The following FMN1 variants were observed in gnomAD, a reference collection of about 807,000 sequenced individuals.
FMN1 encodes the protein formin 1, also known as formin-1.
Under a neutral mutation model 132.4 loss-of-function variants are expected in FMN1, and 110 were observed. The ratio of observed to expected loss-of-function variants is 0.83; its 90% confidence interval spans 0.71 to 0.97. The LOEUF (loss-of-function observed/expected upper bound fraction) is 0.97, where lower values mean the gene tolerates loss of function less well. Among genes scored for constraint, FMN1 ranks in the 50% least tolerant of loss-of-function variants. The probability of loss-of-function intolerance (pLI) is 0.00; values close to 1 mark genes in which losing one functional copy is unlikely to be tolerated. For synonymous variants in FMN1, 722 were observed against 651.7 expected (o/e 1.11, Z -1.64); for missense variants, 1,792 against 1,705.3 (o/e 1.05, Z -0.90).
At chr15:33,146,537 A>C (rs968212349) in intron 4 of FMN1, among the ~76,000 whole-genome samples, 8 of 152,094 alleles carry the variant, frequency 5.3e-5, no homozygotes, top group African/African-American at 1.9e-4. Context: ...AATGTACTGG[A>C]ACAATCCATG....
At chr15:32,897,822 C>T (rs375180553) in intron 15 of FMN1, among the ~76,000 whole-genome samples, 22 of 151,636 alleles carry the variant, frequency 1.5e-4, no homozygotes, top group African/African-American at 4.6e-4. Flanking sequence ...AAGCTGGGGT[C>T]GGCAGGAAAA....
chr15:33,067,830 G>T, intron 5 of FMN1: 1 of 1,613,874 alleles, frequency 6.2e-7, no homozygotes. Context: ...CCGGCTTCTG[G>T]TTTTGCTGGT....
intron 4 of FMN1, among the ~76,000 whole-genome samples, chr15:33,129,908 T>C (rs1324063573): frequency 3.3e-5 from 5 of 149,636 alleles, no homozygotes; most frequent in Non-Finnish European, 7.4e-5. Flanking sequence ...TTCCCCTACC[T>C]CAGCCTCCCA....
rs2060480254 is a variant in FMN1, at chr15:32,908,497, G to GT, written c.3369dup (p.Pro1124ThrfsTer2). On this transcript the variant is annotated frameshift_variant, in exon 12 of 21. Coordinates refer to ENST00000616417, the MANE Select transcript of FMN1 (RefSeq NM_001277313.2). LOFTEE classifies it high-confidence loss of function. The stretch of plus-strand genomic sequence containing the variant: ...AATGTTAAGTATCCTTACTGCTCAG[G>GT]TTTATCCAGCAGCTTCAGTTCTTCT... The GT allele has an allele frequency of 6.3e-7, 1 of 1,599,746 alleles. No homozygotes were observed. The highest frequency in any genetic ancestry group is 1.4e-5 in the African/African-American group (1 of 73,704).
chr15:32,983,981 AAAGTG>A (rs1403940359), intron 7 of FMN1, among the ~76,000 whole-genome samples: 14 of 152,186 alleles, frequency 9.2e-5, no homozygotes. Flanking sequence ...TTAAAAGCTC[AAAGTG>A]TTAGGCACAA....
intron 5 of FMN1, among the ~76,000 whole-genome samples, 188 bp from the exon 6 acceptor site, chr15:33,065,262 G>A (rs564835221): frequency 2.0e-5 from 3 of 151,832 alleles, no homozygotes; most frequent in African/African-American, 7.3e-5. Context: ...ATCAGTTGAG[G>A]TGAAAATTTA....
intron 17 of FMN1, chr15:32,811,048 T>C (rs973787521): frequency 8.8e-6 from 4 of 456,576 alleles, no homozygotes; most frequent in Middle Eastern, 3.2e-4. Context: ...TTGTGCACTT[T>C]CCAGGAGAAA....
At chr15:32,985,816 C>T (rs73372991) in intron 7 of FMN1, among the ~76,000 whole-genome samples, 19,007 of 152,082 alleles carry the variant, frequency 0.12, 1,849 homozygotes, top group African/African-American at 0.27. Context: ...GACAGTCGAT[C>T]AATTGATCTC....
At chr15:32,882,887 G>A (rs1185089212) in intron 16 of FMN1, among the ~76,000 whole-genome samples, 1 of 152,208 alleles carries the variant, frequency 6.6e-6, no homozygotes, top group East Asian at 1.9e-4. Context: ...CAATAGCACT[G>A]ACTGACTCAG....
chr15:32,902,040 T>A lies in FMN1; in HGVS notation c.3378A>T (p.Gln1126His). Reference sequence around the variant, plus strand: ...GAATCTGGGCTAACTCATGTAAAAATCTGTAAAAAAGAAAATGTGTCATCT... The same window carrying A: ...GAATCTGGGCTAACTCATGTAAAAAACTGTAAAAAAGAAAATGTGTCATCT... ...EELKLLDKPEQFLHELAQIPN... is the reference protein window; with the variant it reads ...EELKLLDKPEHFLHELAQIPN... The change falls in exon 13 of 21, where the codon CAA (glutamine) becomes CAT (histidine). Residue 1126 changes from glutamine to histidine, a missense_variant and splice_region_variant. By Grantham distance (24) the Gln-to-His change is conservative. Coordinates refer to ENST00000616417, the MANE Select transcript of FMN1 (RefSeq NM_001277313.2). The A allele has an allele frequency of 6.2e-7, 1 of 1,604,334 alleles. No homozygotes were observed. Among genetic ancestry groups the A allele is most frequent in the Non-Finnish European group, 8.5e-7 (1 of 1,177,074 alleles).
chr15:32,845,528 C>G (rs1245839111), intron 17 of FMN1, among the ~76,000 whole-genome samples: 2 of 152,132 alleles, frequency 1.3e-5, no homozygotes, highest in African/African-American at 4.8e-5. Context: ...TCAAAAGAAA[C>G]CAAGTGGTTC....
At chr15:32,790,806 T>G (rs2057050232) in intron 19 of FMN1, among the ~76,000 whole-genome samples, 1 of 152,166 alleles carries the variant, frequency 6.6e-6, no homozygotes, top group African/African-American at 2.4e-5. Flanking sequence ...CGCTGGAGAA[T>G]GCACCATACA....
chr15:32,968,931 G>A lies in FMN1; in HGVS notation c.2770C>T (p.Pro924Ser), dbSNP rs2031508844. The change falls in exon 8 of 21, where the codon CCC (proline) becomes TCC (serine). Residue 924 changes from proline to serine, a missense_variant. Physicochemically the swap from Pro to Ser is moderately conservative, Grantham distance 74. Coordinates refer to ENST00000616417, the MANE Select transcript of FMN1 (RefSeq NM_001277313.2). ...TTAGGAAGTGGGGGTGGGGGTGGGG[G>A]TGGTGGAGGTCCAGCACTTGAAGGT... ...PPPSSAGPPPPPPPPPLPNSP... is the reference protein window; with the variant it reads ...PPPSSAGPPPSPPPPPLPNSP... 2.9e-6 allele frequency: 2 copies of A among 682,184 alleles called. No individual in the cohort carries two copies. Among genetic ancestry groups the A allele is most frequent in the Non-Finnish European group, 4.9e-6 (2 of 411,470 alleles). 42.3% of individuals were successfully genotyped at this position (682,184 alleles called of 1,614,324 possible).
At chr15:32,965,953 G>C (rs2031180036) in intron 8 of FMN1, among the ~76,000 whole-genome samples, 1 of 152,142 alleles carries the variant, frequency 6.6e-6, no homozygotes, top group African/African-American at 2.4e-5. Context: ...CACCACGGAT[G>C]TTAAGTGCTT....
At chr15:32,821,830 A>C (rs1040908883) in intron 17 of FMN1, among the ~76,000 whole-genome samples, 2 of 152,170 alleles carry the variant, frequency 1.3e-5, no homozygotes, top group Non-Finnish European at 2.9e-5. Flanking sequence ...CCTAACCTGG[A>C]ACAATATAAG....
At chr15:33,172,986 T>C (rs1446939311) in intron 3 of FMN1, among the ~76,000 whole-genome samples, 4 of 152,146 alleles carry the variant, frequency 2.6e-5, no homozygotes, top group African/African-American at 9.7e-5. Flanking sequence ...ACAAGATTGA[T>C]CTTGCCAGAG....
At chr15:33,075,285 C>A (rs1476109571) in intron 5 of FMN1, among the ~76,000 whole-genome samples, 1 of 152,112 alleles carries the variant, frequency 6.6e-6, no homozygotes, top group African/African-American at 2.4e-5. Context: ...CTTAGGGACA[C>A]CAACCATCAT....
intron 2 of FMN1, among the ~76,000 whole-genome samples, chr15:33,181,103 T>G (rs1965684003): frequency 6.6e-6 from 1 of 152,164 alleles, no homozygotes; most frequent in Non-Finnish European, 1.5e-5. Context: ...AAAGGCTCCG[T>G]GTGGTCAGGC....
intron 9 of FMN1, among the ~76,000 whole-genome samples, chr15:32,927,536 G>T (rs894703810): frequency 6.6e-6 from 1 of 152,094 alleles, no homozygotes; most frequent in South Asian, 2.1e-4. Context: ...TGGGATTATA[G>T]GTGTGAGCCA....
Sources: allele counts gnomAD v4.1 joint callset (sites outside exome capture counted in the v4.1 genomes callset), GRCh38; gene constraint gnomAD v4.1.1; transcripts MANE v1.5; gene names NCBI Gene and HGNC (gene_info 2026-07-23, HGNC 2026-07-21).